Variants in TIPIN observed in about 807,000 individuals in gnomAD.
TIPIN encodes TIMELESS interacting protein, also known as TIMELESS-interacting protein.
Under a neutral mutation model 35.6 loss-of-function variants are expected in TIPIN, and 29 were observed. The ratio of observed to expected loss-of-function variants is 0.82; its 90% confidence interval spans 0.61 to 1.11. The LOEUF (loss-of-function observed/expected upper bound fraction) is 1.11. TIPIN is among the 50% of genes most tolerant of loss of function. The pLI is 0.00. For synonymous variants in TIPIN, 102 were observed against 121.5 expected, an observed-to-expected ratio of 0.84 and a Z score of 1.06; for missense variants, 296 against 345.4, an observed-to-expected ratio of 0.86 and a Z score of 1.13.
chr15:66,377,657 CTGGGTT>C (rs1228914262), intron 1 of TIPIN, among the ~76,000 whole-genome samples: 1 of 114,644 alleles, frequency 8.7e-6, no homozygotes, highest in Non-Finnish European at 2.2e-5. Context: ...GCCACAGCGC[CTGGGTT>C]TTTTTTTGTT....
upstream of TIPIN, among the ~76,000 whole-genome samples, chr15:66,361,062 GC>G (rs1228515085): frequency 0.057 from 8 of 140 alleles, no homozygotes; most frequent in Admixed American, 0.1. Flanking sequence ...AATCTGGGAG[GC>G]GGGAGGTTGC....
At chr15:66,337,577 C>A (rs1307196172) in intron 7 of TIPIN, among the ~76,000 whole-genome samples, 1 of 151,968 alleles carries the variant, frequency 6.6e-6, no homozygotes, top group Non-Finnish European at 1.5e-5. Flanking sequence ...CCGCCTCAGG[C>A]TCCCAAAGTC....
chr15:66,353,004 C>G, intron 1 of TIPIN, 49 bp from the exon 2 acceptor site: 1 of 1,552,890 alleles, frequency 6.4e-7, no homozygotes, highest in South Asian at 1.2e-5. Flanking sequence ...ATAGTCTCCA[C>G]TATATAGACA....
chr15:66,363,103 T>C (rs1418569761), intron 1 of TIPIN, among the ~76,000 whole-genome samples: 1 of 152,150 alleles, frequency 6.6e-6, no homozygotes, highest in Admixed American at 6.5e-5. Flanking sequence ...AGAGACTGGG[T>C]GCGGTGGTTC....
chr15:66,345,389 C>CA, intron 6 of TIPIN, among the ~76,000 whole-genome samples: 2 of 151,528 alleles, frequency 1.3e-5, no homozygotes, highest in South Asian at 4.1e-4. Context: ...GCTTGGGCAA[C>CA]ATAGTGAGAT....
At chr15:66,371,671 G>T (rs545896444) in intron 1 of TIPIN, among the ~76,000 whole-genome samples, 1 of 151,862 alleles carries the variant, frequency 6.6e-6, no homozygotes, top group Non-Finnish European at 1.5e-5. Flanking sequence ...CCGCCACCAT[G>T]CCTGGCTAAT....
At chr15:66,367,989 A>ACACC (rs1196128858) in intron 1 of TIPIN, among the ~76,000 whole-genome samples, 2 of 151,520 alleles carry the variant, frequency 1.3e-5, no homozygotes, top group African/African-American at 4.8e-5. Context: ...GCGCGCCACC[A>ACACC]TGGCTGACTA....
chr15:66,381,423 G>A (rs1439253225), intron 1 of TIPIN, among the ~76,000 whole-genome samples: 1 of 152,034 alleles, frequency 6.6e-6, no homozygotes, highest in Admixed American at 6.6e-5. Flanking sequence ...AGGTGACAGA[G>A]CAAGTCTCCA....
chr15:66,375,985 T>C (rs940342190), intron 1 of TIPIN, among the ~76,000 whole-genome samples: 1 of 151,910 alleles, frequency 6.6e-6, no homozygotes, highest in Non-Finnish European at 1.5e-5. Context: ...CCTGTAGTCC[T>C]AGCTATTGGG....
chr15:66,371,359 G>A (rs996947670), intron 1 of TIPIN: 3 of 984,740 alleles, frequency 3.0e-6, no homozygotes, highest in Admixed American at 6.2e-5. Context: ...CTCAGAAGAC[G>A]TAAGTGTTTT....
chr15:66,337,371 G>C (rs1217522432), intron 7 of TIPIN, among the ~76,000 whole-genome samples, 190 bp from the exon 8 acceptor site: 7 of 148,286 alleles, frequency 4.7e-5, no homozygotes, highest in African/African-American at 1.5e-4. Context: ...CATCACTTTG[G>C]CTGGAGTGCA....
intron 1 of TIPIN, among the ~76,000 whole-genome samples, chr15:66,367,945 T>G (rs2093263513): frequency 6.6e-6 from 1 of 150,830 alleles, no homozygotes; most frequent in Non-Finnish European, 1.5e-5. Context: ...GCAATTCTCC[T>G]GCCTCAGCCT....
Position 66,364,150 on chromosome 15 carries a change from T to C in TIPIN, c.-8-11195A>G, listed in dbSNP as rs1451968161. ...CATATCAACATGCTATAGAGAAATC[T>C]TTCTTTTCTTTTTTTTTTTTTTTTT... is the stretch of plus-strand genomic sequence containing the variant. On this transcript the variant is annotated intron_variant, in intron 1 of 7. Coordinates refer to the TIPIN transcript ENST00000562124. 4.1e-5 allele frequency among the ~76,000 whole-genome samples: 6 copies of C among 146,352 alleles called. 1 individual carries two copies. The East Asian group carries it at 1.2e-3, about 29-fold the overall frequency.
At chr15:66,355,409 A>G (rs949568621) in intron 1 of TIPIN, among the ~76,000 whole-genome samples, 6 of 151,910 alleles carry the variant, frequency 3.9e-5, no homozygotes, top group Non-Finnish European at 8.8e-5. Flanking sequence ...GAGTTAGACG[A>G]TCTTTAAAAT....
upstream of TIPIN, among the ~76,000 whole-genome samples, chr15:66,357,426 G>C (rs1021924331): frequency 1.3e-5 from 2 of 151,960 alleles, no homozygotes; most frequent in Non-Finnish European, 2.9e-5. Context: ...AAATAGGGCT[G>C]AACATAGACA....
intron 4 of TIPIN, among the ~76,000 whole-genome samples, chr15:66,350,689 G>T (rs1424855808): frequency 6.6e-6 from 1 of 151,730 alleles, no homozygotes; most frequent in Non-Finnish European, 1.5e-5. Context: ...CAGCACTTTG[G>T]GAGGCCAAGG....
At chr15:66,352,486 T>C (rs1040770134) in intron 2 of TIPIN, among the ~76,000 whole-genome samples, 5 of 151,920 alleles carry the variant, frequency 3.3e-5, no homozygotes, top group African/African-American at 9.7e-5. Flanking sequence ...TTTAGTAGAG[T>C]TGAGGTCTCG....
Position 66,378,927 on chromosome 15 carries a change from A to T in TIPIN, c.-9+7680T>A, listed in dbSNP as rs535358388. On this transcript the variant is annotated intron_variant, in intron 1 of 7. Transcript: ENST00000562124. ...AAGTTTATCTTTTGTTAATTTTATTAAAAATATTTTCTTAAGAAATGGGGG... is the reference window on the plus strand; with the variant it reads ...AAGTTTATCTTTTGTTAATTTTATTTAAAATATTTTCTTAAGAAATGGGGG... Among the ~76,000 whole-genome samples, 18 of 152,238 alleles carry T rather than the reference A, an allele frequency of 1.2e-4. 1 individual carries two copies. Among genetic ancestry groups the T allele is most frequent in the African/African-American group, 4.1e-4 (17 of 41,550 alleles).
chr15:66,378,336 C>T (rs1026133477), intron 1 of TIPIN, among the ~76,000 whole-genome samples: 1 of 151,632 alleles, frequency 6.6e-6, no homozygotes, highest in African/African-American at 2.4e-5. Context: ...GGGGTTTCAC[C>T]ATGTTGGCCA....
Sources: gnomAD v4.1 joint callset for allele counts (sites outside exome capture counted in the v4.1 genomes callset) on GRCh38, gnomAD v4.1.1 for gene constraint, MANE v1.5 for transcripts, NCBI Gene and HGNC (gene_info 2026-07-23, HGNC 2026-07-21) for gene names.